The following TRIM51 variants were observed in gnomAD, a reference collection of about 807,000 sequenced individuals.
TRIM51 encodes the protein tripartite motif-containing protein 51.
In TRIM51, 23 loss-of-function variants were observed where a neutral mutation model predicts 32.7. That is an observed-to-expected ratio of 0.70 (90% CI 0.51 to 1.00). The LOEUF is 1.00. Among genes scored for constraint, TRIM51 ranks in the 50% least tolerant of loss-of-function variants. The pLI is 0.00. For synonymous variants in TRIM51, 177 were observed against 181.9 expected (o/e 0.97, Z 0.22); for missense variants, 592 against 539.2 (o/e 1.10, Z -0.97).
intron 5 of TRIM51, among the ~76,000 whole-genome samples, chr11:55,889,654 A>G (rs1343991933): frequency 6.6e-6 from 1 of 152,144 alleles, no homozygotes; most frequent in Admixed American, 6.5e-5. Flanking sequence ...TCTGGAACCC[A>G]GAATTTCATT....
At chr11:55,885,978 T>C in intron 2 of TRIM51, 139 bp downstream of exon 2, 1 of 1,494,514 alleles carries the variant, frequency 6.7e-7, no homozygotes, top group Non-Finnish European at 9.0e-7. Flanking sequence ...TTCACACCTC[T>C]CAGATTTGAC....
chr11:55,888,635 G>C (rs950189209), intron 4 of TRIM51, among the ~76,000 whole-genome samples: 1 of 152,090 alleles, frequency 6.6e-6, no homozygotes, highest in Non-Finnish European at 1.5e-5. Context: ...GGGAATCTAG[G>C]ATCACACTAA....
intron 3 of TRIM51, 88 bp from the exon 4 acceptor site, chr11:55,887,944 T>C: frequency 6.2e-6 from 6 of 961,324 alleles, no homozygotes; most frequent in Non-Finnish European, 9.9e-6. Flanking sequence ...AGGATTAAAA[T>C]ATTGGGTGTT....
rs774758467 is a variant in TRIM51, at chr11:55,885,831, G to A, written c.403G>A (p.Glu135Lys). 1.2e-6 allele frequency: 2 copies of A among 1,611,706 alleles called. No individual in the cohort carries two copies. The highest frequency in any genetic ancestry group is 1.7e-6 in the Non-Finnish European group (2 of 1,179,666). The change falls in exon 2 of 7, where the codon GAA becomes AAA. Residue 135 changes from glutamate (E) to lysine (K), a missense_variant. Glu to Lys is a moderately conservative substitution (Grantham distance 56). Coordinates refer to ENST00000449290, the MANE Select transcript of TRIM51 (RefSeq NM_032681.4). Reference sequence around the variant, plus strand: ...CTGTCCCATTGAGTGGGCTGCTGAGGAACGCCGGGTAAGTGATGCCTCTGA... The same window carrying A: ...CTGTCCCATTGAGTGGGCTGCTGAGAAACGCCGGGTAAGTGATGCCTCTGA... ...IHCPIEWAAEERREELLKKMQ... is the reference protein window; with the variant it reads ...IHCPIEWAAEKRREELLKKMQ...
In TRIM51 at chr11:55,888,279, G is replaced by C. The variant is rs762511039; in HGVS notation, c.738+17G>C. 3.8e-6 allele frequency: 6 copies of C among 1,586,156 alleles called. No individual in the cohort carries two copies. The South Asian group carries it at 5.5e-5, about 15-fold the overall frequency. The stretch of plus-strand genomic sequence containing the variant: ...CTACTCCAGGTATGGACTGACCATG[G>C]GGTATCATGATGTTGAACATTCACA... On this transcript the variant is annotated intron_variant, in intron 4 of 6. Transcript: ENST00000449290.
At chr11:55,889,545 A>C (rs1854621605) in intron 5 of TRIM51, among the ~76,000 whole-genome samples, 1 of 152,152 alleles carries the variant, frequency 6.6e-6, no homozygotes, top group Non-Finnish European at 1.5e-5. Flanking sequence ...GCCTGGAGCA[A>C]GTTTCAACAC....
At chr11:55,888,504 A>C (rs1335691624) in intron 4 of TRIM51, among the ~76,000 whole-genome samples, 2 of 152,228 alleles carry the variant, frequency 1.3e-5, no homozygotes, top group South Asian at 4.1e-4. Context: ...AACAGACAGC[A>C]CCAAGAAATA....
chr11:55,891,039 G>A lies in TRIM51; in HGVS notation c.860-94G>A, dbSNP rs544666539. On this transcript the variant is annotated intron_variant, in intron 6 of 6. Transcript: ENST00000449290. ...TGTCCTTGTAACTTCAAATTTCTTG[G>A]TAAAGTAAACTCTTGGTAGAACAAC... The A allele has an allele frequency of 1.7e-3, 1,817 of 1,040,318 alleles. 23 individuals carry two copies. The highest frequency in any genetic ancestry group is 7.7e-3 in the Middle Eastern group (24 of 3,116). The allele number at this position is 1,040,318 out of a possible 1,614,324, so 64.4% of individuals were successfully genotyped here.
chr11:55,890,270 T>C (rs977956284), intron 6 of TRIM51, among the ~76,000 whole-genome samples: 1 of 152,140 alleles, frequency 6.6e-6, no homozygotes, highest in Non-Finnish European at 1.5e-5. Flanking sequence ...TAGAGTTATA[T>C]ATTGGGTAAA....
At chr11:55,886,630 C>T (rs1173397966) in intron 3 of TRIM51, among the ~76,000 whole-genome samples, 8 of 152,066 alleles carry the variant, frequency 5.3e-5, no homozygotes, top group Non-Finnish European at 1.2e-4. Flanking sequence ...GAAATGTGAG[C>T]TAAATTTCAG....
chr11:55,889,332 A>G lies in TRIM51; in HGVS notation c.761+331A>G, dbSNP rs187908420. On this transcript the variant is annotated intron_variant, in intron 5 of 6. Coordinates refer to ENST00000449290, the MANE Select transcript of TRIM51 (RefSeq NM_032681.4). ...AAAACATTCATATTTGAAAGAGAAA[A>G]TATTACATTTTCTACATGGCTACAA... is the stretch of plus-strand genomic sequence containing the variant. Among the ~76,000 whole-genome samples the G allele has an allele frequency of 3.1e-3, 469 of 152,306 alleles. 2 individuals carry two copies. Among genetic ancestry groups the G allele is most frequent in the African/African-American group, 0.011 (437 of 41,564 alleles).
chr11:55,891,742 T>C lies in TRIM51; in HGVS notation c.*110T>C, dbSNP rs1854653839. Reference sequence around the variant, plus strand: ...AACAAATAAGTTATATTTAATGTCTTTAGTTGCATTCTAATGTCATCAAAA... The same window carrying C: ...AACAAATAAGTTATATTTAATGTCTCTAGTTGCATTCTAATGTCATCAAAA... On this transcript the variant is annotated 3_prime_UTR_variant, in exon 7 of 7. Transcript: ENST00000449290. 1 of 1,242,876 alleles carries C rather than the reference T, an allele frequency of 8.0e-7. No homozygotes were observed. The highest frequency in any genetic ancestry group is 1.5e-5 in the African/African-American group (1 of 66,334). The allele number at this position is 1,242,876 out of a possible 1,614,324, so 77.0% of individuals were successfully genotyped here.
intron 4 of TRIM51, 127 bp downstream of exon 4, chr11:55,888,389 A>G (rs1304755395): frequency 5.1e-6 from 4 of 779,214 alleles, no homozygotes; most frequent in Non-Finnish European, 8.8e-6. Context: ...TCCATAACTA[A>G]TGCTACTTGG....
Position 55,886,198 on chromosome 11 carries a change from A to G in TRIM51, c.487A>G (p.Thr163Ala). 1.2e-6 allele frequency: 2 copies of G among 1,613,584 alleles called. No homozygotes were observed. Among genetic ancestry groups the G allele is most frequent in the Non-Finnish European group, 8.5e-7 (1 of 1,179,602 alleles). ...ENLRNLNMET[T>A]RTRCWKDYVS... Reference sequence around the variant, plus strand: ...TCTCAGAAATCTGAACATGGAAACCACAAGAACCAGATGCTGGAAGGTTAG... The same window carrying G: ...TCTCAGAAATCTGAACATGGAAACCGCAAGAACCAGATGCTGGAAGGTTAG... The change falls in exon 3 of 7, where the codon ACA (threonine) becomes GCA (alanine). Residue 163 changes from threonine (T) to alanine (A), a missense_variant. By Grantham distance (58) the Thr-to-Ala change is moderately conservative. Coordinates refer to ENST00000449290, the MANE Select transcript of TRIM51 (RefSeq NM_032681.4).
At chr11:55,883,462 T>C (rs973450287) in intron 1 of TRIM51, 78 bp downstream of exon 1, 9 of 152,200 alleles carry the variant, frequency 5.9e-5, no homozygotes, top group Non-Finnish European at 1.2e-4. Flanking sequence ...AATATCTAAC[T>C]GTCTAAACTT....
intron 3 of TRIM51, among the ~76,000 whole-genome samples, chr11:55,887,168 G>A (rs1217861353): frequency 6.6e-6 from 1 of 151,932 alleles, no homozygotes; most frequent in Admixed American, 6.6e-5. Context: ...TTTTAAATAG[G>A]GTGGTCAGAA....
intron 4 of TRIM51, 120 bp downstream of exon 4, chr11:55,888,382 A>G (rs1854604897): frequency 2.5e-6 from 2 of 805,582 alleles, no homozygotes; most frequent in Admixed American, 4.0e-5. Context: ...ACACGATTCC[A>G]TAACTAATGC....
Position 55,891,576 on chromosome 11 carries a change from C to A in TRIM51, c.1303C>A (p.Pro435Thr), listed in dbSNP as rs148245438. The A allele has an allele frequency of 3.5e-5, 56 of 1,613,372 alleles. No homozygotes were observed. The African/African-American group carries it at 6.9e-4, about 20-fold the overall frequency. ...VDQSSLIYTI[P>T]NCSFSPPLRP... Reference sequence around the variant, plus strand: ...TCAAAGTTCCCTGATATACACCATCCCCAATTGCTCCTTCTCACCTCCTCT... The same window carrying A: ...TCAAAGTTCCCTGATATACACCATCACCAATTGCTCCTTCTCACCTCCTCT... Residue 435 changes from proline to threonine, a missense_variant, in exon 7 of 7, where the codon CCC (proline) becomes ACC (threonine). Transcript: ENST00000449290.
At position 55,889,943 on chromosome 11, in the gene TRIM51, T is replaced by C; in HGVS notation, c.763T>C (p.Tyr255His). Residue 255 changes from tyrosine (Y) to histidine (H), a missense_variant and splice_region_variant, in exon 6 of 7, where the codon TAT becomes CAT. Tyr to His is a moderately conservative substitution (Grantham distance 83). Transcript: ENST00000449290. The stretch of plus-strand genomic sequence containing the variant: ...ATAACCCTATCTTTCCCCTTGCAGG[T>C]ATGAGTCTCTGCTGCTGCAAGTGTC... ...LQAFGDILHRYESLLLQVSEP... is the reference protein window; with the variant it reads ...LQAFGDILHRHESLLLQVSEP... The C allele has an allele frequency of 6.2e-7, 1 of 1,612,044 alleles. No homozygotes were observed. The highest frequency in any genetic ancestry group is 8.5e-7 in the Non-Finnish European group (1 of 1,178,578).
Sources: gnomAD v4.1 joint callset for allele counts (sites outside exome capture counted in the v4.1 genomes callset) on GRCh38, gnomAD v4.1.1 for gene constraint, MANE v1.5 for transcripts, NCBI Gene and HGNC (gene_info 2026-07-23, HGNC 2026-07-21) for gene names.